SLC35F4: variants seen among roughly 807,000 people sequenced by gnomAD.
SLC35F4 encodes solute carrier family 35 member F4.
In SLC35F4, 24 loss-of-function variants were observed where a neutral mutation model predicts 44.2. The observed-to-expected ratio is 0.54, with a 90% confidence interval of 0.39 to 0.76. The LOEUF (loss-of-function observed/expected upper bound fraction) is 0.76, where lower values mean the gene tolerates loss of function less well. SLC35F4 is among the 30% of genes least tolerant of loss of function. The probability of loss-of-function intolerance (pLI) is 0.00; values close to 1 mark genes in which losing one functional copy is unlikely to be tolerated. For missense variants in SLC35F4, 562 were observed against 586.1 expected (o/e 0.96, Z 0.42); for synonymous variants, 238 against 223.6 (o/e 1.06, Z -0.57).
At chr14:57,930,867 G>A (rs1057222837) in intron 1 of SLC35F4, among the ~76,000 whole-genome samples, 4 of 152,072 alleles carry the variant, frequency 2.6e-5, no homozygotes, top group Non-Finnish European at 5.9e-5. Context: ...GACTAACACT[G>A]TGTGTCAAGA....
intron 1 of SLC35F4, among the ~76,000 whole-genome samples, chr14:57,756,695 C>T (rs976732425): frequency 7.9e-5 from 12 of 152,092 alleles, no homozygotes; most frequent in Non-Finnish European, 1.6e-4. Flanking sequence ...CACTCTGTTG[C>T]CCAGGCTGGA....
At chr14:57,576,339 A>C (rs1039309344) in intron 4 of SLC35F4, among the ~76,000 whole-genome samples, 1 of 152,176 alleles carries the variant, frequency 6.6e-6, no homozygotes, top group Admixed American at 6.5e-5. Flanking sequence ...TGAACCCTTG[A>C]ATTCCAAAGC....
intron 1 of SLC35F4, among the ~76,000 whole-genome samples, chr14:57,648,204 ACAT>A (rs1387593934): frequency 1.3e-5 from 2 of 152,202 alleles, no homozygotes; most frequent in East Asian, 3.8e-4. Flanking sequence ...AAGAAATGAT[ACAT>A]CATCATCATT....
chr14:57,848,355 C>A (rs185435846), intron 1 of SLC35F4, among the ~76,000 whole-genome samples: 6 of 152,154 alleles, frequency 3.9e-5, no homozygotes, highest in Non-Finnish European at 8.8e-5. Flanking sequence ...TTGAAGACTG[C>A]GGTGCTATAC....
intron 1 of SLC35F4, among the ~76,000 whole-genome samples, chr14:57,737,898 G>T (rs1444169021): frequency 6.6e-6 from 1 of 152,158 alleles, no homozygotes; most frequent in Non-Finnish European, 1.5e-5. Context: ...TAGAGATAAG[G>T]CTTATTAGAT....
At chr14:57,752,140 A>G (rs2076898926) in intron 1 of SLC35F4, among the ~76,000 whole-genome samples, 1 of 152,200 alleles carries the variant, frequency 6.6e-6, no homozygotes, top group Non-Finnish European at 1.5e-5. Context: ...AAGTAACTCT[A>G]GAAAGAGGGA....
intron 1 of SLC35F4, among the ~76,000 whole-genome samples, chr14:57,879,128 AT>A: frequency 6.6e-6 from 1 of 152,294 alleles, no homozygotes; most frequent in East Asian, 1.9e-4. Flanking sequence ...CATGATCAGA[AT>A]TTTAGTGCAG....
intron 1 of SLC35F4, among the ~76,000 whole-genome samples, chr14:57,909,019 A>C (rs957037458): frequency 6.6e-6 from 1 of 152,184 alleles, no homozygotes; most frequent in South Asian, 2.1e-4. Context: ...CAGTTTTCTG[A>C]GCACCATTTA....
At chr14:57,645,268 CCTTTT>C (rs2073449133) in intron 1 of SLC35F4, among the ~76,000 whole-genome samples, 1 of 152,146 alleles carries the variant, frequency 6.6e-6, no homozygotes, top group African/African-American at 2.4e-5. Context: ...GAATGTTCTT[CCTTTT>C]GTTTGTATCC....
rs997669573 is a variant in SLC35F4, at chr14:57,865,831, G to A, written c.-6C>T. On this transcript the variant is annotated 5_prime_UTR_variant, in exon 1 of 8. Transcript: ENST00000556826. ...GGGGCCGCCTTGACATCCATAGAGA[G>A]CGCGGGGCGACGGCCCCGAGTGCGG... 40 of 1,500,620 alleles carry A rather than the reference G, an allele frequency of 2.7e-5. No homozygotes were observed. The highest frequency in any genetic ancestry group is 3.4e-5 in the Non-Finnish European group (38 of 1,130,822). 93.0% of individuals were successfully genotyped at this position (1,500,620 alleles called of 1,614,324 possible).
At chr14:57,944,748 A>G (rs988687428) in intron 1 of SLC35F4, among the ~76,000 whole-genome samples, 1 of 147,458 alleles carries the variant, frequency 6.8e-6, no homozygotes, top group African/African-American at 2.5e-5. Context: ...AGAAAGAAAG[A>G]AAGAAGAAAG....
chr14:57,611,273 A>T (rs1310605687), intron 1 of SLC35F4, among the ~76,000 whole-genome samples: 1 of 152,156 alleles, frequency 6.6e-6, no homozygotes, highest in Non-Finnish European at 1.5e-5. Flanking sequence ...TTGAGGGGGG[A>T]TATCAAGGTA....
intron 1 of SLC35F4, among the ~76,000 whole-genome samples, chr14:57,696,155 T>C (rs559483382): frequency 6.6e-6 from 1 of 152,218 alleles, no homozygotes; most frequent in Non-Finnish European, 1.5e-5. Flanking sequence ...ACCTACAGAA[T>C]GGGAGAAAAT....
At chr14:57,564,482 T>G in intron 7 of SLC35F4, 106 bp from the exon 8 acceptor site, 23 of 1,434,708 alleles carry the variant, frequency 1.6e-5, no homozygotes, top group Non-Finnish European at 2.0e-5. Context: ...GAGTCTTCTT[T>G]ATTCTTCCAA....
chr14:57,887,817 A>G (rs886244656), intron 1 of SLC35F4, among the ~76,000 whole-genome samples: 1 of 152,204 alleles, frequency 6.6e-6, no homozygotes, highest in African/African-American at 2.4e-5. Flanking sequence ...ATACAAAGTC[A>G]TGCCTAACTG....
rs1054175012 is a variant in SLC35F4 at position 57,609,181 on chromosome 14, G to A, written c.104-15057C>T. Among the ~76,000 whole-genome samples, 8 of 152,134 alleles carry A rather than the reference G, an allele frequency of 5.3e-5. 1 individual carries two copies. The highest frequency in any genetic ancestry group is 5.2e-4 in the Admixed American group (8 of 15,276). ...GGATGGATCGATGGATGGATGGATG[G>A]GAGAAAAGATGGCATATGGCAGATT... On this transcript the variant is annotated intron_variant, in intron 1 of 7. Transcript: ENST00000556826.
intron 1 of SLC35F4, among the ~76,000 whole-genome samples, chr14:57,618,488 G>T (rs1178075939): frequency 6.6e-6 from 1 of 152,206 alleles, no homozygotes; most frequent in East Asian, 1.9e-4. Context: ...TGTACTGTGA[G>T]GAACGGTGCA....
At chr14:57,582,110 G>GTTAAATCTTCGGTTTGTTTGATTT (rs1408414825) in intron 3 of SLC35F4, among the ~76,000 whole-genome samples, 2 of 152,182 alleles carry the variant, frequency 1.3e-5, no homozygotes, top group Non-Finnish European at 2.9e-5. Flanking sequence ...CACTTCAATT[G>GTTAAATCTTCGGTTTGTTTGATTT]TTAAATCTTC....
chr14:57,744,085 TAA>T (rs2076693193), intron 1 of SLC35F4, among the ~76,000 whole-genome samples: 1 of 152,126 alleles, frequency 6.6e-6, no homozygotes, highest in Non-Finnish European at 1.5e-5. Flanking sequence ...CTCAAAATAA[TAA>T]GAGCTATTTA....
Sources: allele counts gnomAD v4.1 joint callset (sites outside exome capture counted in the v4.1 genomes callset), GRCh38; gene constraint gnomAD v4.1.1; transcripts MANE v1.5; gene names NCBI Gene and HGNC (gene_info 2026-07-23, HGNC 2026-07-21).